KMO: variants seen among roughly 807,000 people sequenced by gnomAD.
The protein encoded by KMO is kynurenine 3-hydroxylase.
KMO carries 24 observed loss-of-function variants against 57.8 expected under a neutral mutation model. That is an observed-to-expected ratio of 0.42 (90% CI 0.30 to 0.58). The LOEUF (loss-of-function observed/expected upper bound fraction) is 0.58. Ranked by LOEUF, KMO falls within the 20% of genes least tolerant of loss-of-function variation. The pLI, the probability that KMO is intolerant of heterozygous loss-of-function variation, is 0.22. For synonymous variants in KMO, 210 were observed against 193.6 expected (o/e 1.08, Z -0.70); for missense variants, 483 against 588.2 (o/e 0.82, Z 1.85).
At position 241,550,983 on chromosome 1, in the gene KMO, C is replaced by G. The variant is rs761861739; in HGVS notation, c.251C>G (p.Ala84Gly). The change falls in exon 4 of 15, where the codon GCA (alanine) becomes GGA (glycine). Residue 84 changes from alanine to glycine, a missense_variant. By Grantham distance (60) the Ala-to-Gly change is moderately conservative. This residue lies in a region of KMO where 410 missense variants were observed against 492.3 expected (regional missense o/e 0.83). Coordinates refer to ENST00000366559, the MANE Select transcript of KMO (RefSeq NM_003679.5). ...GTATCCCAAGGTATTCCCATGAGAG[C>G]AAGAATGATCCACTCTCTTTCAGGA... ...QIVSQGIPMR[A>G]RMIHSLSGKK... The G allele has an allele frequency of 1.3e-6, 2 of 1,551,630 alleles. No homozygotes were observed. Among genetic ancestry groups the G allele is most frequent in the Non-Finnish European group, 8.7e-7 (1 of 1,153,356 alleles).
In KMO at chr1:241,588,795, G is replaced by T; in HGVS notation, c.1063G>T (p.Ala355Ser). The change falls in exon 12 of 15, where the codon GCG becomes TCG. Residue 355 changes from alanine to serine, a missense_variant. Physicochemically the swap from Ala to Ser is moderately conservative, Grantham distance 99. Transcript: ENST00000366559. Reference protein sequence around the residue: ...FSRLRIPDDHAISDLSMYNYI... With the variant: ...FSRLRIPDDHSISDLSMYNYI... ...AAGATTGAGAATCCCAGATGATCAC[G>T]CGATTTCAGACCTATCCATGTACAA... 1 of 1,613,450 alleles carries T rather than the reference G, an allele frequency of 6.2e-7. No homozygotes were observed. The highest frequency in any genetic ancestry group is 8.5e-7 in the Non-Finnish European group (1 of 1,179,630).
At chr1:241,534,271 AGTGATGT>A (rs1660678968) in intron 1 of KMO, among the ~76,000 whole-genome samples, 4 of 152,250 alleles carry the variant, frequency 2.6e-5, no homozygotes, top group Admixed American at 2.6e-4. Context: ...AGGTGGCAGC[AGTGATGT>A]CTCATTTTAA....
At chr1:241,545,426 G>T (rs1245279553) in intron 1 of KMO, among the ~76,000 whole-genome samples, 1 of 152,166 alleles carries the variant, frequency 6.6e-6, no homozygotes, top group African/African-American at 2.4e-5. Context: ...GTGTCGGCAG[G>T]GTTGGTTCCT....
intron 5 of KMO, among the ~76,000 whole-genome samples, chr1:241,556,783 G>T (rs965040736): frequency 2.0e-5 from 3 of 152,134 alleles, no homozygotes; most frequent in African/African-American, 7.2e-5. Flanking sequence ...CAGCTACTCG[G>T]GAGGCTGAGG....
chr1:241,589,816 T>C (rs796438460), intron 12 of KMO, among the ~76,000 whole-genome samples, 196 bp from the exon 13 acceptor site: 2 of 152,222 alleles, frequency 1.3e-5, no homozygotes, highest in South Asian at 4.1e-4. Flanking sequence ...GTGTAATTGC[T>C]GTACATTTTC....
At chr1:241,564,036 G>A (rs1043754890) in intron 7 of KMO, among the ~76,000 whole-genome samples, 1 of 152,022 alleles carries the variant, frequency 6.6e-6, no homozygotes, top group Admixed American at 6.6e-5. Context: ...AGTTATGCAC[G>A]TACTCATTTC....
chr1:241,532,629 A>ATT (rs1660617286), intron 1 of KMO, 131 bp downstream of exon 1: 1 of 620,146 alleles, frequency 1.6e-6, no homozygotes, highest in South Asian at 2.3e-5. Context: ...AAATACAGCT[A>ATT]TTTTGTTTAT....
rs1336126335 is a variant in KMO at position 241,562,339 on chromosome 1, C to T, written c.615+7C>T. ...TCCACCTAAGAACGGAGATGTAAGT[C>T]CTTGCCCTTTTTCAACCCCTTCCCA... On this transcript the variant is annotated splice_region_variant and intron_variant, in intron 7 of 14. Coordinates refer to ENST00000366559, the MANE Select transcript of KMO (RefSeq NM_003679.5). 2 of 1,613,342 alleles carry T rather than the reference C, an allele frequency of 1.2e-6. No homozygotes were observed. Among genetic ancestry groups the T allele is most frequent in the Admixed American group, 3.3e-5 (2 of 59,942 alleles).
intron 1 of KMO, among the ~76,000 whole-genome samples, chr1:241,539,686 A>G (rs2147940064): frequency 6.6e-6 from 1 of 152,258 alleles, no homozygotes; most frequent in African/African-American, 2.4e-5. Flanking sequence ...TTCTCTCCGC[A>G]GCTCACTTCA....
intron 10 of KMO, among the ~76,000 whole-genome samples, chr1:241,570,549 T>C (rs1031373649): frequency 1.3e-5 from 2 of 152,102 alleles, no homozygotes; most frequent in Non-Finnish European, 2.9e-5. Context: ...TTCCCCAATG[T>C]GTATGTTCTT....
At chr1:241,549,360 G>A (rs1661309028) in intron 2 of KMO, among the ~76,000 whole-genome samples, 1 of 151,500 alleles carries the variant, frequency 6.6e-6, no homozygotes, top group South Asian at 2.1e-4. Context: ...AAGATAGAAG[G>A]AAAGAAAGAT....
At chr1:241,551,491 GC>G in intron 4 of KMO, among the ~76,000 whole-genome samples, 1 of 152,308 alleles carries the variant, frequency 6.6e-6, no homozygotes, top group African/African-American at 2.4e-5. Flanking sequence ...ATCCAGAAAT[GC>G]TTTGAGTACT....
chr1:241,550,404 T>C (rs1661352431), intron 3 of KMO, among the ~76,000 whole-genome samples: 1 of 152,240 alleles, frequency 6.6e-6, no homozygotes, highest in Admixed American at 6.5e-5. Context: ...ATTTTCATCA[T>C]GTGAGCTTAA....
In KMO at chr1:241,577,714, A is replaced by G. The variant is rs185647684; in HGVS notation, c.958-8965A>G. 5.7e-4 allele frequency among the ~76,000 whole-genome samples: 87 copies of G among 152,244 alleles called. 1 individual carries two copies. The highest frequency in any genetic ancestry group is 1.0e-3 in the South Asian group (5 of 4,824). ...CCCAGTATTTTATTTACTGAGTTGAATAGCTCAGGTTTCAGGCCAGTAGAG... is the reference window on the plus strand; with the variant it reads ...CCCAGTATTTTATTTACTGAGTTGAGTAGCTCAGGTTTCAGGCCAGTAGAG... On this transcript the variant is annotated intron_variant, in intron 10 of 14. Transcript: ENST00000366559.
chr1:241,564,494 A>G (rs1662001163), intron 7 of KMO, among the ~76,000 whole-genome samples: 1 of 152,034 alleles, frequency 6.6e-6, no homozygotes, highest in Admixed American at 6.6e-5. Flanking sequence ...TGGCTCATGA[A>G]ATTTAAATGT....
chr1:241,540,828 C>G (rs2147941082), intron 1 of KMO, among the ~76,000 whole-genome samples: 1 of 152,044 alleles, frequency 6.6e-6, no homozygotes, highest in South Asian at 2.1e-4. Context: ...GTTTGGGGGG[C>G]CGAGGCAGAA....
intron 10 of KMO, among the ~76,000 whole-genome samples, chr1:241,579,054 T>C (rs1222920012): frequency 6.6e-6 from 1 of 152,134 alleles, no homozygotes; most frequent in Admixed American, 6.5e-5. Flanking sequence ...ATGGGAATTA[T>C]GGGAGATACA....
intron 1 of KMO, among the ~76,000 whole-genome samples, chr1:241,548,052 T>C (rs1004986337): frequency 1.4e-5 from 2 of 146,762 alleles, no homozygotes; most frequent in Admixed American, 6.9e-5. Flanking sequence ...AATCCCACAA[T>C]GTTGCCTTAG....
At chr1:241,582,032 G>A (rs974803344) in intron 10 of KMO, among the ~76,000 whole-genome samples, 2 of 152,076 alleles carry the variant, frequency 1.3e-5, no homozygotes, top group African/African-American at 4.8e-5. Context: ...TAATTTTGCT[G>A]CATACAATAT....
Sources: gnomAD v4.1 joint callset for allele counts (sites outside exome capture counted in the v4.1 genomes callset) on GRCh38, gnomAD v4.1.1 for gene constraint, gnomAD v4.1.1 regional missense constraint, MANE v1.5 for transcripts, NCBI Gene and HGNC (gene_info 2026-07-23, HGNC 2026-07-21) for gene names.